Variants in CREB3L4 observed in about 807,000 individuals in gnomAD.
The protein encoded by CREB3L4 is cAMP responsive element binding protein 3 like 4.
In CREB3L4, 28 loss-of-function variants were observed where a neutral mutation model predicts 37.0. That is an observed-to-expected ratio of 0.76 (90% CI 0.56 to 1.04). The LOEUF is 1.04. Ranked by LOEUF, CREB3L4 falls within the 50% of genes least tolerant of loss-of-function variation. CREB3L4 has a pLI of 0.00. For synonymous variants in CREB3L4, 175 were observed against 192.2 expected (o/e 0.91, Z 0.74); for missense variants, 462 against 486.0 (o/e 0.95, Z 0.46).
rs566895069 is a variant in CREB3L4 at position 153,973,290 on chromosome 1, T to C, written c.812+27T>C. 1.9e-5 allele frequency: 31 copies of C among 1,613,312 alleles called. No homozygotes were observed. In the African/African-American group the frequency reaches 3.7e-4, roughly 19 times the overall value. On this transcript the variant is annotated intron_variant, in intron 7 of 9. Transcript: ENST00000368607. ...TGAGTGAAAGCATTGTGTGTGTATG[T>C]GTGTTTTGAAGGCAGGTACAGCACA...
chr1:153,968,950 T>C lies in CREB3L4; in HGVS notation c.195T>C (p.Pro65=). The C allele has an allele frequency of 6.2e-7, 1 of 1,612,602 alleles. No individual in the cohort carries two copies. The highest frequency in any genetic ancestry group is 8.5e-7 in the Non-Finnish European group (1 of 1,179,044). Residue 65 remains proline, a synonymous_variant, in exon 3 of 10, where the codon CCT becomes CCC. Coordinates refer to ENST00000368607, the MANE Select transcript of CREB3L4 (RefSeq NM_001255978.2). ...DRGCGLQESE[P]EDFLKLFIDP... The stretch of plus-strand genomic sequence containing the variant: ...TGTAGGGCCTTCAAGAGAGTGAGCC[T>C]GAAGATTTCTTGAAGCTTTTCATTG...
chr1:153,968,391 CT>C, intron 1 of CREB3L4, 130 bp from the exon 2 acceptor site: 1 of 689,288 alleles, frequency 1.5e-6, no homozygotes, highest in Non-Finnish European at 2.2e-6. Context: ...GGTGAGGGGG[CT>C]TGCTAGTGAG....
At chr1:153,970,170 G>A (rs1279398114) in intron 4 of CREB3L4, among the ~76,000 whole-genome samples, 6 of 151,804 alleles carry the variant, frequency 4.0e-5, no homozygotes, top group South Asian at 4.2e-4. Context: ...CTTGTGATCC[G>A]CCTGCCTCTG....
At chr1:153,972,902 T>C in intron 5 of CREB3L4, 66 bp downstream of exon 5, 1 of 1,596,890 alleles carries the variant, frequency 6.3e-7, no homozygotes, top group Non-Finnish European at 8.6e-7. Context: ...GGGGCCAATA[T>C]CCCAGGAGAA....
At position 153,971,283 on chromosome 1, in the gene CREB3L4, G is replaced by A. The variant is rs372521262; in HGVS notation, c.544-1461G>A. Among the ~76,000 whole-genome samples, 188 of 151,740 alleles carry A rather than the reference G, an allele frequency of 1.2e-3. 1 individual carries two copies. The highest frequency in any genetic ancestry group is 3.5e-3 in the African/African-American group (147 of 41,450). On this transcript the variant is annotated intron_variant, in intron 4 of 9. Transcript: ENST00000368607. ...CTCGAGAGGCTGAGGCAGGAGAATC[G>A]CTTGAACCCGGGAAGCAGAGGTTGC...
Position 153,973,926 on chromosome 1 carries a change from A to G in CREB3L4, c.1049A>G (p.Gln350Arg). 1 of 1,614,184 alleles carries G rather than the reference A, an allele frequency of 6.2e-7. No individual in the cohort carries two copies. Among genetic ancestry groups the G allele is most frequent in the Non-Finnish European group, 8.5e-7 (1 of 1,180,016 alleles). ...GACGTAACAGAAAATCTGGAGACCC[A>G]AGTGGTAGAGTCCAGACTGAGGGAG... ...HKDVTENLET[Q>R]VVESRLREPP... The change falls in exon 10 of 10, where the codon CAA (glutamine) becomes CGA (arginine). Residue 350 changes from glutamine to arginine, a missense_variant. By Grantham distance (43) the Gln-to-Arg change is conservative. Transcript: ENST00000368607.
intron 8 of CREB3L4, 51 bp downstream of exon 8, chr1:153,973,515 C>T (rs1225406274): frequency 1.3e-6 from 2 of 1,580,576 alleles, no homozygotes; most frequent in Non-Finnish European, 1.7e-6. Flanking sequence ...TATCCTTATA[C>T]CCCGACTACC....
chr1:153,972,872 G>A, intron 5 of CREB3L4, 36 bp downstream of exon 5: 1 of 1,607,148 alleles, frequency 6.2e-7, no homozygotes, highest in South Asian at 1.1e-5. Flanking sequence ...CCAACCCAGG[G>A]GCCTCACCAT....
rs1234133718 is a variant in CREB3L4 at position 153,972,727 on chromosome 1, C to T, written c.544-17C>T. 6.2e-7 allele frequency: 1 copy of T among 1,609,310 alleles called. No individual in the cohort carries two copies. The highest frequency in any genetic ancestry group is 1.1e-5 in the South Asian group (1 of 90,774). ...CCTCCTCACTCCTATTGCATCTTCT[C>T]CTGCCCCTACCCCCAGCTGCCCTGT... is the stretch of plus-strand genomic sequence containing the variant. On this transcript the variant is annotated splice_polypyrimidine_tract_variant and intron_variant, in intron 4 of 9. Coordinates refer to ENST00000368607, the MANE Select transcript of CREB3L4 (RefSeq NM_001255978.2).
In CREB3L4 at chr1:153,973,442, C is replaced by CCTGG; in HGVS notation, c.876_877insTGGC (p.Gln293TrpfsTer34). On this transcript the variant is annotated frameshift_variant, in exon 8 of 10. Coordinates refer to ENST00000368607, the MANE Select transcript of CREB3L4 (RefSeq NM_001255978.2). LOFTEE classifies it high-confidence loss of function. ...ATTGCTCAAACTTCCAACAAAGCTG[C>CCTGG]CCAGACCAGCACTTGTGTTTTGGTA... 6 of 1,614,014 alleles carry CCTGG rather than the reference C, an allele frequency of 3.7e-6. No homozygotes were observed. The highest frequency in any genetic ancestry group is 5.1e-6 in the Non-Finnish European group (6 of 1,179,920).
chr1:153,968,746 G>A (rs775448098), intron 2 of CREB3L4, 47 bp downstream of exon 2: 3 of 1,606,682 alleles, frequency 1.9e-6, no homozygotes, highest in African/African-American at 1.3e-5. Flanking sequence ...ACACAACTCT[G>A]TGATAAGAGG....
In CREB3L4 at chr1:153,973,913, A is replaced by G. The variant is rs1315309856; in HGVS notation, c.1036A>G (p.Asn346Asp). 8.7e-6 allele frequency: 14 copies of G among 1,614,098 alleles called. No homozygotes were observed. In the Admixed American group the frequency reaches 1.0e-4, roughly 12 times the overall value. Residue 346 changes from asparagine (N) to aspartate (D), a missense_variant, in exon 10 of 10, where the codon AAT (asparagine) becomes GAT (aspartate). Asn to Asp is a conservative substitution (Grantham distance 23). Transcript: ENST00000368607. ...NILTHKDVTE[N>D]LETQVVESRL... is the part of the protein sequence containing the mutation. Reference sequence around the variant, plus strand: ...CCTGACCCACAAGGACGTAACAGAAAATCTGGAGACCCAAGTGGTAGAGTC... The same window carrying G: ...CCTGACCCACAAGGACGTAACAGAAGATCTGGAGACCCAAGTGGTAGAGTC...
intron 4 of CREB3L4, among the ~76,000 whole-genome samples, chr1:153,971,137 AG>A (rs1186862821): frequency 3.4e-5 from 5 of 147,416 alleles, no homozygotes; most frequent in Non-Finnish European, 7.5e-5. Context: ...TGGGAGGCCA[AG>A]GTGGGCGGAT....
chr1:153,973,752 G>A (rs776882874), intron 9 of CREB3L4, 36 bp downstream of exon 9: 1 of 1,564,364 alleles, frequency 6.4e-7, no homozygotes, highest in South Asian at 1.1e-5. Flanking sequence ...CCCTGGCTGA[G>A]CAAGGGAGGG....
intron 4 of CREB3L4, 28 bp from the exon 5 acceptor site, chr1:153,972,716 T>C (rs1648497415): frequency 1.9e-6 from 3 of 1,593,090 alleles, no homozygotes; most frequent in African/African-American, 1.3e-5. Context: ...CTCACTCCTA[T>C]TGCATCTTCT....
At chr1:153,972,154 G>A (rs1354570393) in intron 4 of CREB3L4, among the ~76,000 whole-genome samples, 1 of 152,152 alleles carries the variant, frequency 6.6e-6, no homozygotes, top group Non-Finnish European at 1.5e-5. Context: ...ATACTAGTGA[G>A]AAGGGCCATC....
Position 153,973,419 on chromosome 1 carries a change from T to G in CREB3L4, c.852T>G (p.Ile284Met). 6.2e-7 allele frequency: 1 copy of G among 1,614,108 alleles called. No individual in the cohort carries two copies. Among genetic ancestry groups the G allele is most frequent in the Non-Finnish European group, 8.5e-7 (1 of 1,180,020 alleles). Residue 284 changes from isoleucine (I) to methionine (M), a missense_variant, in exon 8 of 10, where the codon ATT becomes ATG. By Grantham distance (10) the Ile-to-Met change is conservative. Transcript: ENST00000368607. ...VAQLRQLQTL[I>M]AQTSNKAAQT... ...AGCTCCGCCAGCTGCAGACGCTAAT[T>G]GCTCAAACTTCCAACAAAGCTGCCC...
chr1:153,971,058 T>C (rs539544048), intron 4 of CREB3L4, among the ~76,000 whole-genome samples: 1 of 139,404 alleles, frequency 7.2e-6, no homozygotes, highest in African/African-American at 2.6e-5. Context: ...CTTAGAATCT[T>C]GAGCTGAGGA....
rs758572361 is a variant in CREB3L4 at position 153,968,929 on chromosome 1, G to C, written c.175-1G>C. The C allele has an allele frequency of 3.7e-6, 6 of 1,605,400 alleles. No homozygotes were observed. Among genetic ancestry groups the C allele is most frequent in the Non-Finnish European group, 3.4e-6 (4 of 1,175,254 alleles). ...ATATATATAACCTTTTCCTACTGTA[G>C]GGCCTTCAAGAGAGTGAGCCTGAAG... On this transcript the variant is annotated splice_acceptor_variant, in intron 2 of 9. Transcript: ENST00000368607. LOFTEE classifies it high-confidence loss of function.
Sources: allele counts gnomAD v4.1 joint callset (sites outside exome capture counted in the v4.1 genomes callset), GRCh38; gene constraint gnomAD v4.1.1; transcripts MANE v1.5; gene names NCBI Gene and HGNC (gene_info 2026-07-23, HGNC 2026-07-21).